Variants in OPLAH observed in about 807,000 individuals in gnomAD.
The protein encoded by OPLAH is 5-oxoprolinase, ATP-hydrolysing.
A neutral mutation model predicts 122.8 loss-of-function variants in OPLAH; 103 were observed. The observed-to-expected ratio is 0.84, with a 90% CI of 0.71 to 0.99. The LOEUF (loss-of-function observed/expected upper bound fraction) is 0.99. OPLAH is among the 50% of genes least tolerant of loss of function. The pLI, the probability that OPLAH is intolerant of heterozygous loss-of-function variation, is 0.00. For synonymous variants in OPLAH, 875 were observed against 796.0 expected (o/e 1.10, Z -1.67); for missense variants, 1,902 against 1,836.5 (o/e 1.04, Z -0.65).
At chr8:144,060,116 C>T in intron 1 of OPLAH, 31 bp from the exon 2 acceptor site, 1 of 1,459,046 alleles carries the variant, frequency 6.9e-7, no homozygotes, top group East Asian at 2.5e-5. Flanking sequence ...CCCGGGCTCA[C>T]CTGCGAGTGG....
In OPLAH at chr8:144,054,794, G is replaced by A. The variant is rs369063094; in HGVS notation, c.2511+18C>T. Reference sequence around the variant, plus strand: ...GCCACCACTGCCCCAGCAGAGGCAGGCGGGCAGCACCCCTCACCGGTGTGA... The same window carrying A: ...GCCACCACTGCCCCAGCAGAGGCAGACGGGCAGCACCCCTCACCGGTGTGA... On this transcript the variant is annotated intron_variant, in intron 18 of 26. Coordinates refer to ENST00000618853, the MANE Select transcript of OPLAH (RefSeq NM_017570.5). 1.2e-6 allele frequency: 2 copies of A among 1,612,078 alleles called. No homozygotes were observed. Among genetic ancestry groups the A allele is most frequent in the Non-Finnish European group, 1.7e-6 (2 of 1,179,758 alleles).
rs1207895402 is a variant in OPLAH at position 144,055,247 on chromosome 8, GA to G, written c.2249-59del. On this transcript the variant is annotated intron_variant, in intron 16 of 26. Transcript: ENST00000618853. This position sits in a 1 kb window ranked among gnomAD's most constrained non-coding sequence, Gnocchi z 6.5. Reference sequence around the variant, plus strand: ...CCACCCACCCACAGCCTGGCCCCAGGAAAGGGAGGAACAGGACCCACCAGGA... The same window carrying G: ...CCACCCACCCACAGCCTGGCCCCAGGAAGGGAGGAACAGGACCCACCAGGA... The G allele has an allele frequency of 2.4e-4, 348 of 1,476,768 alleles. No homozygotes were observed. The African/African-American group carries it at 3.9e-3, about 16-fold the overall frequency. The allele number at this position is 1,476,768 out of a possible 1,614,324, so 91.5% of individuals were successfully genotyped here. A position where few individuals can be genotyped will look rare whatever the true frequency, so the allele number is the denominator to read the frequency against.
At chr8:144,054,499 T>TTG (rs1291026460) in intron 19 of OPLAH, 62 bp downstream of exon 19, 1 of 1,490,582 alleles carries the variant, frequency 6.7e-7, no homozygotes, top group Non-Finnish European at 9.0e-7. Context: ...CCAGGCCTGC[T>TTG]TGCCAGCAGT....
intron 7 of OPLAH, 21 bp downstream of exon 7, chr8:144,058,218 C>A: frequency 6.2e-7 from 1 of 1,605,014 alleles, no homozygotes; most frequent in East Asian, 2.2e-5. Flanking sequence ...TCCCCGAGAC[C>A]CCAGCCCTCG....
Position 144,056,669 on chromosome 8 carries a change from G to A in OPLAH, c.1793C>T (p.Ala598Val). The change falls in exon 13 of 27, where the codon GCC (alanine) becomes GTC (valine). Residue 598 changes from alanine (A) to valine (V), a missense_variant. Ala to Val is a moderately conservative substitution (Grantham distance 64, BLOSUM62 0). Coordinates refer to ENST00000618853, the MANE Select transcript of OPLAH (RefSeq NM_017570.5). The part of the protein sequence containing the change: ...ALMVSAHQHP[A>V]TARSPRAGDF... ...CCCCGCACGGGGCGAGCGGGCTGTG[G>A]CTGGGTGCTGGTGGGCAGACACCAT... 1 of 1,611,854 alleles carries A rather than the reference G, an allele frequency of 6.2e-7. No individual in the cohort carries two copies. The highest frequency in any genetic ancestry group is 8.5e-7 in the Non-Finnish European group (1 of 1,179,662).
Position 144,056,938 on chromosome 8 carries a change from G to T in OPLAH, c.1706+10C>A. ...GTAAGCCCTCTGTCCAGGGCACCCT[G>T]GGAGCCCACCTGGGGAAGCCCTGGG... On this transcript the variant is annotated intron_variant, in intron 12 of 26. Coordinates refer to ENST00000618853, the MANE Select transcript of OPLAH (RefSeq NM_017570.5). 1 of 1,565,206 alleles carries T rather than the reference G, an allele frequency of 6.4e-7. No homozygotes were observed. The highest frequency in any genetic ancestry group is 2.4e-5 in the East Asian group (1 of 42,422).
intron 25 of OPLAH, 33 bp from the exon 26 acceptor site, chr8:144,051,859 AGGGGCGGGGGTG>A (rs782240405): frequency 1.2e-5 from 4 of 345,306 alleles, no homozygotes; most frequent in Admixed American, 4.0e-4. Context: ...CAGAGAGACC[AGGGGCGGGGGTG>A]GGGGCGGGGG....
At chr8:144,051,116 G>A, downstream of OPLAH, 10 of 1,382,746 alleles carry the variant, frequency 7.2e-6, no homozygotes, top group Non-Finnish European at 9.3e-6. Context: ...GCCCCCAGGA[G>A]GTGGAGCAGG....
rs1835482759 is a variant in OPLAH at position 144,055,189 on chromosome 8, TCTAGGAGCA to T, written c.2249-9_2249-1del. ...GCGCTGCAGGATGCGGCCCATCTGC[TCTAGGAGCA>T]CAAAGTGACCAGGCCCGCTGGCCCC... On this transcript the variant is annotated splice_acceptor_variant and splice_polypyrimidine_tract_variant and intron_variant, in intron 16 of 26. Coordinates refer to ENST00000618853, the MANE Select transcript of OPLAH (RefSeq NM_017570.5). LOFTEE classifies it high-confidence loss of function. This position sits in a 1 kb window ranked among gnomAD's most constrained non-coding sequence, Gnocchi z 6.5. 6.6e-7 allele frequency: 1 copy of T among 1,520,522 alleles called. No individual in the cohort carries two copies. The highest frequency in any genetic ancestry group is 8.8e-7 in the Non-Finnish European group (1 of 1,136,144). 94.2% of individuals were successfully genotyped at this position (1,520,522 alleles called of 1,614,324 possible). A position where few individuals can be genotyped will look rare whatever the true frequency, so the allele number is the denominator to read the frequency against.
In OPLAH at chr8:144,054,965, C is replaced by T. The variant is rs1835473611; in HGVS notation, c.2410-52G>A. 3.3e-5 allele frequency: 8 copies of T among 242,620 alleles called. No homozygotes were observed. In the South Asian group the frequency reaches 5.3e-4, roughly 16 times the overall value. 15.0% of individuals were successfully genotyped at this position (242,620 alleles called of 1,614,324 possible). A position where few individuals can be genotyped will look rare whatever the true frequency, so the allele number is the denominator to read the frequency against. ...GGGCACAGGGGAGCAGGGGCCAGAG[C>T]GGGGTGGGGGGGGGGTGGAGGGTGA... On this transcript the variant is annotated intron_variant, in intron 17 of 26. Transcript: ENST00000618853.
At position 144,054,906 on chromosome 8, in the gene OPLAH, T is replaced by C. The variant is rs782806908; in HGVS notation, c.2417A>G (p.His806Arg). 19 of 1,588,296 alleles carry C rather than the reference T, an allele frequency of 1.2e-5. No individual in the cohort carries two copies. Among genetic ancestry groups the C allele is most frequent in the African/African-American group, 5.6e-5 (4 of 71,630 alleles). Residue 806 changes from histidine (H) to arginine (R), a missense_variant, in exon 18 of 27, where the codon CAC becomes CGC. This residue lies in a region of OPLAH where 1,726 missense variants were observed against 1,642.1 expected (regional missense o/e 1.05). Coordinates refer to ENST00000618853, the MANE Select transcript of OPLAH (RefSeq NM_017570.5). Reference sequence around the variant, plus strand: ...GCCAGGGTGGAGATCGGCCCCCAGGTGCTGAATCTGAAACCAGGAGATGGG... The same window carrying C: ...GCCAGGGTGGAGATCGGCCCCCAGGCGCTGAATCTGAAACCAGGAGATGGG... ...MQETVQFQIQ[H>R]LGADLHPGDV...
At chr8:144,053,175 G>A in intron 20 of OPLAH, 34 bp downstream of exon 20, 1 of 1,609,202 alleles carries the variant, frequency 6.2e-7, no homozygotes, top group Non-Finnish European at 8.5e-7. Context: ...CTGCAGGATG[G>A]CCCTGCCGCC....
chr8:144,053,081 A>G lies in OPLAH; in HGVS notation c.2920T>C (p.Ser974Pro), dbSNP rs1554758123. The change falls in exon 21 of 27, where the codon TCC (serine) becomes CCC (proline). Residue 974 changes from serine (S) to proline (P), a missense_variant. Ser to Pro is a moderately conservative substitution (Grantham distance 74). This residue lies in a region of OPLAH where 1,726 missense variants were observed against 1,642.1 expected (regional missense o/e 1.05). Transcript: ENST00000618853. ...VRDMLRAFGT[S>P]RQARGLPLEV... ...AGGGGCAGGCCCCGGGCCTGCCGGG[A>G]GGTTCCAAAGGCACGCAACATGTCT... 6.2e-7 allele frequency: 1 copy of G among 1,604,736 alleles called. No individual in the cohort carries two copies. Among genetic ancestry groups the G allele is most frequent in the Admixed American group, 1.7e-5 (1 of 58,626 alleles).
rs999291746 is a variant in OPLAH at position 144,054,926 on chromosome 8, G to A, written c.2410-13C>T. 8.8e-6 allele frequency: 14 copies of A among 1,584,590 alleles called. No individual in the cohort carries two copies. Among genetic ancestry groups the A allele is most frequent in the Non-Finnish European group, 1.2e-5 (14 of 1,162,442 alleles). On this transcript the variant is annotated splice_polypyrimidine_tract_variant and intron_variant, in intron 17 of 26. Coordinates refer to ENST00000618853, the MANE Select transcript of OPLAH (RefSeq NM_017570.5). ...CCAGGTGCTGAATCTGAAACCAGGAGATGGGTGCAGAGTGGGCACAGGGGA... is the reference window on the plus strand; with the variant it reads ...CCAGGTGCTGAATCTGAAACCAGGAAATGGGTGCAGAGTGGGCACAGGGGA...
Position 144,054,556 on chromosome 8 carries a change from C to T in OPLAH, c.2686+5G>A, listed in dbSNP as rs1293658655. 6.4e-7 allele frequency: 1 copy of T among 1,572,696 alleles called. No homozygotes were observed. The highest frequency in any genetic ancestry group is 8.7e-7 in the Non-Finnish European group (1 of 1,154,040). ...GAAGGCCTGCCCCACCCCACTCCCA[C>T]TCACCCTCCTCCTGGAAGACGCCCC... On this transcript the variant is annotated splice_donor_5th_base_variant and intron_variant, in intron 19 of 26. Coordinates refer to ENST00000618853, the MANE Select transcript of OPLAH (RefSeq NM_017570.5).
chr8:144,051,502 G>A, intron 26 of OPLAH, 30 bp from the exon 27 acceptor site: 1 of 1,436,302 alleles, frequency 7.0e-7, no homozygotes, highest in Non-Finnish European at 9.3e-7. Flanking sequence ...CGGGGAGGCG[G>A]GCTCAGTGCA....
At position 144,051,367 on chromosome 8, in the gene OPLAH, C is replaced by G. The variant is rs1554757593; in HGVS notation, c.3826G>C (p.Gly1276Arg). 7.5e-6 allele frequency: 12 copies of G among 1,609,702 alleles called. No individual in the cohort carries two copies. Among genetic ancestry groups the G allele is most frequent in the Non-Finnish European group, 9.3e-6 (11 of 1,178,640 alleles). ...PPQALAFPEH[G>R]SVYEYRRAQE... ...GCCCGGCGATACTCATAGACGCTGC[C>G]GTGCTCGGGAAAGGCCAGTGCTTGC... Residue 1276 changes from glycine to arginine, a missense_variant, in exon 27 of 27, where the codon GGC becomes CGC. By Grantham distance (125) the Gly-to-Arg change is moderately radical. Transcript: ENST00000618853.
rs782390365 is a variant in OPLAH at position 144,055,978 on chromosome 8, G to A, written c.2097-39C>T. On this transcript the variant is annotated intron_variant, in intron 15 of 26. Coordinates refer to ENST00000618853, the MANE Select transcript of OPLAH (RefSeq NM_017570.5). This position sits in a 1 kb window ranked among gnomAD's most constrained non-coding sequence, Gnocchi z 6.5. ...GGCACAGAGGGCTGCATGGGGCCAG[G>A]CGACACCCCTCCAACCAGAGATGCC... The A allele has an allele frequency of 6.6e-7, 1 of 1,517,158 alleles. No homozygotes were observed. Among genetic ancestry groups the A allele is most frequent in the Non-Finnish European group, 8.9e-7 (1 of 1,128,142 alleles). The allele number at this position is 1,517,158 out of a possible 1,614,324, so 94.0% of individuals were successfully genotyped here. A position where few individuals can be genotyped will look rare whatever the true frequency, so the allele number is the denominator to read the frequency against.
chr8:144,059,968 A>G lies in OPLAH; in HGVS notation c.65T>C (p.Phe22Ser), dbSNP rs1564295070. 1.2e-6 allele frequency: 2 copies of G among 1,612,726 alleles called. No homozygotes were observed. Among genetic ancestry groups the G allele is most frequent in the Middle Eastern group, 1.7e-4 (1 of 6,060 alleles). ...IDRGGTFTDV[F>S]AQCPGGHVRV... ...CACGTGCCCCCCTGGGCACTGGGCA[A>G]AGACGTCTGTGAAGGTACCCCCACG... is the stretch of plus-strand genomic sequence containing the variant. Residue 22 changes from phenylalanine to serine, a missense_variant, in exon 2 of 27, where the codon TTT (phenylalanine) becomes TCT (serine). Physicochemically the swap from Phe to Ser is radical, Grantham distance 155 (BLOSUM62 -2). This residue lies in a region of OPLAH where 168 missense variants were observed against 170.6 expected (regional missense o/e 0.98). Transcript: ENST00000618853.
Sources: gnomAD v4.1 joint callset for allele counts on GRCh38, gnomAD v4.1.1 for gene constraint, gnomAD v4.1.1 regional missense constraint, Gnocchi (gnomAD v3.1) non-coding constraint, MANE v1.5 for transcripts, NCBI Gene and HGNC (gene_info 2026-07-23, HGNC 2026-07-21) for gene names.